MED27: variants seen among roughly 807,000 people sequenced by gnomAD.
The protein encoded by MED27 is mediator complex subunit 27, also known as mediator of RNA polymerase II transcription subunit 27.
In MED27, 30 loss-of-function variants were observed where a neutral mutation model predicts 38.2. The observed-to-expected ratio is 0.79, with a 90% CI of 0.59 to 1.07. MED27 has a LOEUF of 1.07. MED27 is among the 50% of genes least tolerant of loss of function. The pLI, the probability that MED27 is intolerant of heterozygous loss-of-function variation, is 0.00. For missense variants in MED27, 289 were observed against 397.5 expected (o/e 0.73, Z 2.32); for synonymous variants, 122 against 153.5 (o/e 0.79, Z 1.52).
chr9:132,075,023 A>G lies in MED27; in HGVS notation c.348+2419T>C, dbSNP rs189278099. Among the ~76,000 whole-genome samples, 9 of 152,356 alleles carry G rather than the reference A, an allele frequency of 5.9e-5. No homozygotes were observed. The East Asian group carries it at 1.7e-3, about 29-fold the overall frequency. ...CTGCCCTAGAAAAAGCAATAGGTTAAGAATCCATGTACCATGTATTTGCCA... is the reference window on the plus strand; with the variant it reads ...CTGCCCTAGAAAAAGCAATAGGTTAGGAATCCATGTACCATGTATTTGCCA... On this transcript the variant is annotated intron_variant, in intron 2 of 7. Transcript: ENST00000292035.
intron 3 of MED27, among the ~76,000 whole-genome samples, chr9:131,968,207 G>A (rs377613463): frequency 1.7e-3 from 262 of 152,170 alleles, no homozygotes; most frequent in African/African-American, 5.7e-3. Context: ...GCACGGTGGC[G>A]CATGCCTGTA....
chr9:132,056,413 A>C (rs746704605), intron 2 of MED27, among the ~76,000 whole-genome samples: 9 of 152,216 alleles, frequency 5.9e-5, no homozygotes, highest in Non-Finnish European at 8.8e-5. Context: ...TGATAAAATG[A>C]GAATCGCTGG....
intron 2 of MED27, among the ~76,000 whole-genome samples, chr9:132,059,534 C>T (rs759197698): frequency 2.6e-5 from 4 of 152,184 alleles, no homozygotes; most frequent in African/African-American, 4.8e-5. Flanking sequence ...GTGATGGGGC[C>T]GAGAGATGCA....
chr9:131,988,271 G>A (rs1217996147), intron 3 of MED27, among the ~76,000 whole-genome samples: 1 of 152,046 alleles, frequency 6.6e-6, no homozygotes, highest in Non-Finnish European at 1.5e-5. Flanking sequence ...TGTATCAGTG[G>A]TACCTATTCA....
At chr9:131,992,416 G>A (rs1170953378) in intron 3 of MED27, among the ~76,000 whole-genome samples, 1 of 151,930 alleles carries the variant, frequency 6.6e-6, no homozygotes, top group African/African-American at 2.4e-5. Context: ...TCGTTGAGAT[G>A]GGAGTCTCAC....
chr9:131,863,624 G>C (rs969002709), intron 6 of MED27, among the ~76,000 whole-genome samples: 4 of 146,310 alleles, frequency 2.7e-5, no homozygotes, highest in African/African-American at 1.1e-4. Context: ...ACCATTTGTA[G>C]CCACACAGGA....
chr9:132,047,073 C>T (rs1356343445), intron 2 of MED27, among the ~76,000 whole-genome samples: 1 of 152,118 alleles, frequency 6.6e-6, no homozygotes, highest in African/African-American at 2.4e-5. Flanking sequence ...TATATATATA[C>T]ACATGCAATC....
intron 4 of MED27, among the ~76,000 whole-genome samples, chr9:131,938,734 A>C (rs9411422): frequency 0.83 from 125,291 of 150,678 alleles, 52,202 homozygotes; most frequent in African/African-American, 0.87. Flanking sequence ...TTTTTTGAGA[A>C]GGAGTCTTGC....
intron 4 of MED27, among the ~76,000 whole-genome samples, chr9:131,916,965 G>A (rs1435506088): frequency 1.3e-5 from 2 of 152,198 alleles, no homozygotes; most frequent in African/African-American, 4.8e-5. Flanking sequence ...TTTGAAAGAT[G>A]ACATTAGAGC....
chr9:131,926,324 A>G (rs757369001), intron 4 of MED27, among the ~76,000 whole-genome samples: 2 of 152,238 alleles, frequency 1.3e-5, no homozygotes, highest in Non-Finnish European at 2.9e-5. Flanking sequence ...TTGACACTAG[A>G]GCTGGGACTT....
chr9:131,876,072 G>T (rs978893021), intron 6 of MED27, among the ~76,000 whole-genome samples: 1 of 152,228 alleles, frequency 6.6e-6, no homozygotes, highest in African/African-American at 2.4e-5. Context: ...GTCAGCCTGG[G>T]CTTAGAGAGC....
chr9:131,880,908 T>TA (rs58610115), intron 6 of MED27, among the ~76,000 whole-genome samples: 295 of 143,040 alleles, frequency 2.1e-3, no homozygotes, highest in Middle Eastern at 0.011. Context: ...ACAAGAACAT[T>TA]AAAAAAAAAA....
In MED27 at chr9:132,029,776, G is replaced by A. The variant is rs554155443; in HGVS notation, c.349-15309C>T. On this transcript the variant is annotated intron_variant, in intron 2 of 7. Transcript: ENST00000292035. Reference sequence around the variant, plus strand: ...TCTATGATTAAGCACAGAAATCTGGGAACAAGGCAGGGGAAATGATGTTTT... The same window carrying A: ...TCTATGATTAAGCACAGAAATCTGGAAACAAGGCAGGGGAAATGATGTTTT... Among the ~76,000 whole-genome samples, 8 of 148,498 alleles carry A rather than the reference G, an allele frequency of 5.4e-5. No individual in the cohort carries two copies. The Admixed American group carries it at 5.6e-4, about 10-fold the overall frequency.
At chr9:131,863,459 G>T (rs1158958206) in intron 6 of MED27, among the ~76,000 whole-genome samples, 1 of 152,188 alleles carries the variant, frequency 6.6e-6, no homozygotes, top group Non-Finnish European at 1.5e-5. Context: ...ATCCCAGAGG[G>T]GATCCCAAGC....
intron 3 of MED27, among the ~76,000 whole-genome samples, chr9:131,986,171 C>T (rs897170859): frequency 6.6e-6 from 1 of 152,060 alleles, no homozygotes; most frequent in Non-Finnish European, 1.5e-5. Context: ...AATGTTCTTA[C>T]AGATTTAGTG....
intron 2 of MED27, among the ~76,000 whole-genome samples, chr9:132,036,830 C>T (rs1192264296): frequency 6.6e-6 from 1 of 151,854 alleles, no homozygotes; most frequent in Non-Finnish European, 1.5e-5. Flanking sequence ...AATAGGTAAC[C>T]CCCTACACTA....
At chr9:131,877,334 G>A (rs1328505277) in intron 6 of MED27, among the ~76,000 whole-genome samples, 2 of 152,208 alleles carry the variant, frequency 1.3e-5, no homozygotes, top group Non-Finnish European at 2.9e-5. Flanking sequence ...GGGAGGCTGA[G>A]ACAGGTGGAT....
chr9:132,071,651 C>T (rs1833941186), intron 2 of MED27, among the ~76,000 whole-genome samples: 2 of 151,776 alleles, frequency 1.3e-5, no homozygotes, highest in Admixed American at 1.3e-4. Context: ...CGAACACACG[C>T]ATGAGTAACC....
At chr9:131,908,083 G>A (rs1042641985) in intron 4 of MED27, among the ~76,000 whole-genome samples, 9 of 151,964 alleles carry the variant, frequency 5.9e-5, no homozygotes, top group Admixed American at 3.3e-4. Flanking sequence ...TCTGGGAAGT[G>A]AGGAGCGTCT....
Sources: gnomAD v4.1 joint callset for allele counts (sites outside exome capture counted in the v4.1 genomes callset) on GRCh38, gnomAD v4.1.1 for gene constraint, MANE v1.5 for transcripts, NCBI Gene and HGNC (gene_info 2026-07-23, HGNC 2026-07-21) for gene names.